Variants in HOATZ observed in about 807,000 individuals in gnomAD.
The protein encoded by HOATZ is cilia- and flagella-associated protein HOATZ.
Under a neutral mutation model 24.9 loss-of-function variants are expected in HOATZ, and 26 were observed. The observed-to-expected ratio is 1.04, with a 90% confidence interval of 0.76 to 1.45. The LOEUF is 1.45. Among genes scored for constraint, HOATZ ranks in the 40% most tolerant of loss-of-function variants. The pLI is 0.00. For missense variants in HOATZ, 226 were observed against 201.5 expected, an observed-to-expected ratio of 1.12 and a Z score of -0.74; for synonymous variants, 83 against 76.6, an observed-to-expected ratio of 1.08 and a Z score of -0.43.
At chr11:111,519,760 T>C (rs923776731) in intron 3 of HOATZ, among the ~76,000 whole-genome samples, 6 of 152,246 alleles carry the variant, frequency 3.9e-5, no homozygotes, top group Admixed American at 6.5e-5. Flanking sequence ...ATTCCAGGTA[T>C]AATTTTCATC....
At chr11:111,517,097 A>G (rs1867214783) in intron 3 of HOATZ, among the ~76,000 whole-genome samples, 1 of 152,260 alleles carries the variant, frequency 6.6e-6, no homozygotes, top group Non-Finnish European at 1.5e-5. Flanking sequence ...CGGGAATTCT[A>G]CATAAATTAC....
At chr11:111,515,864 A>G (rs1369199698) in intron 2 of HOATZ, among the ~76,000 whole-genome samples, 176 bp from the exon 3 acceptor site, 1 of 152,200 alleles carries the variant, frequency 6.6e-6, no homozygotes, top group African/African-American at 2.4e-5. Context: ...TAGCTAATTA[A>G]CTCAGTCTCC....
intron 3 of HOATZ, chr11:111,519,038 G>A (rs1184465597): frequency 6.6e-6 from 3 of 455,906 alleles, no homozygotes; most frequent in Non-Finnish European, 1.3e-5. Flanking sequence ...AGTAGATTTT[G>A]GAGACAACAA....
intron 3 of HOATZ, among the ~76,000 whole-genome samples, chr11:111,530,719 A>G (rs1219811304): frequency 3.3e-5 from 5 of 152,196 alleles, no homozygotes; most frequent in Admixed American, 3.3e-4. Context: ...TTAGAAATGA[A>G]AATTTTTTGT....
rs549022678 is a variant in HOATZ at position 111,515,611 on chromosome 11, A to G, written c.268+59A>G. The G allele has an allele frequency of 3.7e-6, 5 of 1,359,840 alleles. No homozygotes were observed. In the South Asian group the frequency reaches 4.7e-5, roughly 13 times the overall value. The allele number at this position is 1,359,840 out of a possible 1,614,324, so 84.2% of individuals were successfully genotyped here. ...GACTCCTAGGTTCATCAGAAAATAG[A>G]CAATAAGTACAAGGGTACTACTTTA... On this transcript the variant is annotated intron_variant, in intron 2 of 5. Coordinates refer to ENST00000375618, the MANE Select transcript of HOATZ (RefSeq NM_001100388.2).
At chr11:111,516,678 C>T (rs777826866) in intron 3 of HOATZ, among the ~76,000 whole-genome samples, 13 of 152,138 alleles carry the variant, frequency 8.5e-5, no homozygotes, top group Non-Finnish European at 1.8e-4. Context: ...GATCTCACCA[C>T]TGCACTTCAG....
chr11:111,524,397 G>A (rs974340965), intron 3 of HOATZ, among the ~76,000 whole-genome samples: 5 of 152,206 alleles, frequency 3.3e-5, no homozygotes, highest in African/African-American at 1.2e-4. Context: ...TTATGCCAAG[G>A]TTTAACAGCA....
rs1867457183 is a variant in HOATZ at position 111,536,950 on chromosome 11, T to C, written c.*123T>C. 2.7e-6 allele frequency: 2 copies of C among 732,018 alleles called. No homozygotes were observed. Among genetic ancestry groups the C allele is most frequent in the East Asian group, 5.3e-5 (2 of 37,568 alleles). The allele number at this position is 732,018 out of a possible 1,614,324, so 45.3% of individuals were successfully genotyped here. ...AGTAGACAAAGAAATACAAGTTAAA[T>C]ACGCAGACTTCCAGGAATTTTACCA... On this transcript the variant is annotated 3_prime_UTR_variant, in exon 6 of 6. Transcript: ENST00000375618.
intron 4 of HOATZ, 58 bp downstream of exon 4, chr11:111,533,863 T>C: frequency 7.7e-7 from 1 of 1,305,316 alleles, no homozygotes; most frequent in South Asian, 1.5e-5. Context: ...TTGTGGCAAA[T>C]TTTGCAGAGG....
intron 3 of HOATZ, among the ~76,000 whole-genome samples, chr11:111,529,851 C>T (rs1338913488): frequency 2.0e-5 from 3 of 152,036 alleles, no homozygotes; most frequent in African/African-American, 4.8e-5. Flanking sequence ...CCAGAAAATT[C>T]GTGGTCAGAA....
chr11:111,536,362 C>G (rs1036067367), intron 5 of HOATZ: 2 of 170,606 alleles, frequency 1.2e-5, no homozygotes, highest in African/African-American at 4.8e-5. Flanking sequence ...AATCCAGGTC[C>G]CCTTCTGTTA....
At chr11:111,516,151 T>C in intron 3 of HOATZ, 41 bp downstream of exon 3, 2 of 1,252,266 alleles carry the variant, frequency 1.6e-6, no homozygotes, top group South Asian at 2.8e-5. Flanking sequence ...CATCATTAAA[T>C]TTCTAAATAA....
At chr11:111,524,900 C>T (rs1370816389) in intron 3 of HOATZ, 1 of 447,230 alleles carries the variant, frequency 2.2e-6, no homozygotes, top group South Asian at 1.6e-5. Flanking sequence ...CTCACTCTGT[C>T]ACCCAGAATG....
intron 3 of HOATZ, among the ~76,000 whole-genome samples, chr11:111,530,654 AATAATT>A (rs1392482266): frequency 2.0e-5 from 3 of 152,222 alleles, no homozygotes; most frequent in Non-Finnish European, 4.4e-5. Context: ...CAGTTAATTG[AATAATT>A]ATAAAGTCTT....
At chr11:111,515,157 C>A (rs1388056533) in intron 1 of HOATZ, 147 bp downstream of exon 1, 5 of 631,630 alleles carry the variant, frequency 7.9e-6, no homozygotes, top group Non-Finnish European at 1.4e-5. Context: ...TTTCCTGAAC[C>A]CTTCCAGCAA....
rs374731538 is a variant in HOATZ at position 111,536,752 on chromosome 11, T to C, written c.453-18T>C. On this transcript the variant is annotated intron_variant, in intron 5 of 5. Transcript: ENST00000375618. ...CGGAGTTCTGTGTATTGGAACTGAC[T>C]GATATTACTACCAACAGGAAAGTGG... 7 of 1,603,588 alleles carry C rather than the reference T, an allele frequency of 4.4e-6. No homozygotes were observed. The African/African-American group carries it at 6.7e-5, about 15-fold the overall frequency.
chr11:111,532,131 T>G (rs935874153), intron 3 of HOATZ, among the ~76,000 whole-genome samples: 1 of 152,178 alleles, frequency 6.6e-6, no homozygotes, highest in Admixed American at 6.5e-5. Flanking sequence ...TTAAGGGTCC[T>G]TGATCTTCAG....
At chr11:111,530,695 C>T (rs899111956) in intron 3 of HOATZ, among the ~76,000 whole-genome samples, 5 of 152,002 alleles carry the variant, frequency 3.3e-5, no homozygotes, top group African/African-American at 1.2e-4. Context: ...ATAAGCCCAA[C>T]CAAAACACTA....
At chr11:111,529,286 A>G (rs1035799001) in intron 3 of HOATZ, among the ~76,000 whole-genome samples, 1 of 152,208 alleles carries the variant, frequency 6.6e-6, no homozygotes, top group Admixed American at 6.5e-5. Flanking sequence ...ATGATCACTC[A>G]AGTATCCACA....
Sources: gnomAD v4.1 joint callset for allele counts (sites outside exome capture counted in the v4.1 genomes callset) on GRCh38, gnomAD v4.1.1 for gene constraint, MANE v1.5 for transcripts, NCBI Gene and HGNC (gene_info 2026-07-23, HGNC 2026-07-21) for gene names.